The following AKAP13 variants were observed in gnomAD, a reference collection of about 807,000 sequenced individuals.
AKAP13 encodes A-kinase anchor protein 13.
In AKAP13, 80 loss-of-function variants were observed where a neutral mutation model predicts 264.5. That is an observed-to-expected ratio of 0.30 (90% CI 0.25 to 0.36). The LOEUF is 0.36. Among genes scored for constraint, AKAP13 ranks in the 10% least tolerant of loss-of-function variants. The pLI is 1.00. For synonymous variants in AKAP13, 1,380 were observed against 1,250.2 expected (o/e 1.10, Z -2.19); for missense variants, 3,712 against 3,435.2 (o/e 1.08, Z -2.01).
intron 26 of AKAP13, among the ~76,000 whole-genome samples, chr15:85,725,540 C>T (rs1010482536): frequency 1.3e-5 from 2 of 152,148 alleles, no homozygotes; most frequent in Non-Finnish European, 1.5e-5. Context: ...CTGTTTTCTT[C>T]ATAGCTTTGC....
At chr15:85,687,234 CACAACCTCCT>C (rs1345539305) in intron 16 of AKAP13, among the ~76,000 whole-genome samples, 1 of 143,130 alleles carries the variant, frequency 7.0e-6, no homozygotes, top group Non-Finnish European at 1.6e-5. Context: ...CACAACCTCA[CACAACCTCCT>C]GTTATCTGAC....
At chr15:85,698,821 G>C (rs2085726065) in intron 17 of AKAP13, among the ~76,000 whole-genome samples, 1 of 151,530 alleles carries the variant, frequency 6.6e-6, no homozygotes, top group South Asian at 2.1e-4. Flanking sequence ...GTGCACGCCT[G>C]TAATCCCAGC....
At chr15:85,712,333 G>A (rs2086674803) in intron 19 of AKAP13, among the ~76,000 whole-genome samples, 1 of 152,204 alleles carries the variant, frequency 6.6e-6, no homozygotes, top group Non-Finnish European at 1.5e-5. Context: ...ATGACTAGAA[G>A]AGGAGCTTCT....
At chr15:85,517,961 G>A (rs1004590417) in intron 2 of AKAP13, among the ~76,000 whole-genome samples, 2 of 152,214 alleles carry the variant, frequency 1.3e-5, no homozygotes, top group Admixed American at 6.5e-5. Context: ...ATGTAGGTGT[G>A]TACTCTTCCT....
chr15:85,448,868 A>G (rs982661278), intron 1 of AKAP13, among the ~76,000 whole-genome samples: 3 of 146,504 alleles, frequency 2.0e-5, no homozygotes, highest in African/African-American at 5.2e-5. Flanking sequence ...TTTTTTCTGA[A>G]AAGAAAAAAG....
rs1567148652 is a variant in AKAP13 at position 85,600,513 on chromosome 15, A to AGCTGCTGCTAAGTAGAGGC, written c.4161+14691_4161+14709dup. 5.3e-5 allele frequency among the ~76,000 whole-genome samples: 8 copies of AGCTGCTGCTAAGTAGAGGC among 152,332 alleles called. No individual in the cohort carries two copies. In the South Asian group the frequency reaches 1.7e-3, roughly 32 times the overall value. ...ACAATTACTTGGAGGAAATTTCAAC[A>AGCTGCTGCTAAGTAGAGGC]GCTGCTGCTAAGTAGAGGCACTGCT... On this transcript the variant is annotated intron_variant, in intron 8 of 36. Transcript: ENST00000394518.
intron 4 of AKAP13, 182 bp downstream of exon 4, chr15:85,534,062 T>C: frequency 1.6e-6 from 1 of 613,512 alleles, no homozygotes; most frequent in Non-Finnish European, 2.7e-6. Context: ...ATTGAGCTGT[T>C]AAGCATGTTG....
rs1555434064 is a variant in AKAP13, at chr15:85,483,637, A to AACAAAAC, written c.-11-2072_-11-2071insCAAAACA. 3.8e-3 allele frequency among the ~76,000 whole-genome samples: 503 copies of AACAAAAC among 133,012 alleles called. 12 individuals are homozygous for AACAAAAC. Among genetic ancestry groups the AACAAAAC allele is most frequent in the African/African-American group, 0.01 (334 of 32,654 alleles). The allele number at this position is 133,012 out of a possible 152,430, so 87.3% of individuals were successfully genotyped here. On this transcript the variant is annotated intron_variant, in intron 1 of 36. Transcript: ENST00000394518. Reference sequence around the variant, plus strand: ...GACAGAGCGAGACTCCGTCTCAAAAAAAAAAAAAAAAAAACACCAAAAAAT... The same window carrying AACAAAAC: ...GACAGAGCGAGACTCCGTCTCAAAAAACAAAACAAAAAAAAAAAAAACACCAAAAAAT...
At chr15:85,518,337 G>C (rs1239329847) in intron 2 of AKAP13, among the ~76,000 whole-genome samples, 1 of 152,170 alleles carries the variant, frequency 6.6e-6, no homozygotes, top group Non-Finnish European at 1.5e-5. Context: ...AATGCAGTTT[G>C]TTATTTGCTG....
chr15:85,568,856 C>G (rs1374364563), intron 5 of AKAP13, among the ~76,000 whole-genome samples: 1 of 152,116 alleles, frequency 6.6e-6, no homozygotes, highest in Non-Finnish European at 1.5e-5. Flanking sequence ...GTCACTATTG[C>G]TTTGAAACAG....
chr15:85,730,477 C>G (rs766788688), intron 29 of AKAP13, 36 bp from the exon 30 acceptor site: 2 of 1,602,346 alleles, frequency 1.2e-6, no homozygotes, highest in Admixed American at 3.4e-5. Context: ...TTACTAAACA[C>G]CAATCAAATC....
chr15:85,655,417 C>G lies in AKAP13; in HGVS notation c.4375C>G (p.Pro1459Ala), dbSNP rs1392627227. The G allele has an allele frequency of 6.2e-7, 1 of 1,612,232 alleles. No homozygotes were observed. Among genetic ancestry groups the G allele is most frequent in the Non-Finnish European group, 8.5e-7 (1 of 1,178,630 alleles). The change falls in exon 11 of 37, where the codon CCA (proline) becomes GCA (alanine). Residue 1459 changes from proline to alanine, a missense_variant and splice_region_variant. Around this residue, in one of 3 missense-constraint regions of AKAP13, gnomAD observed 2,759 missense variants for 2,411.7 expected, o/e 1.14. Coordinates refer to ENST00000394518, the MANE Select transcript of AKAP13 (RefSeq NM_007200.5). ...CATATGTGCTTTCTCTCCATTACAG[C>G]CAGAGGAAGAGCATTTGGCCTGTGA... is the stretch of plus-strand genomic sequence containing the variant. The part of the protein sequence containing the change: ...DDMDSIIFPK[P>A]EEEHLACDIT...
At chr15:85,441,813 A>C (rs1219154347) in intron 1 of AKAP13, among the ~76,000 whole-genome samples, 1 of 152,096 alleles carries the variant, frequency 6.6e-6, no homozygotes, top group African/African-American at 2.4e-5. Flanking sequence ...ATAGTCTTAC[A>C]TATGCTGTGA....
At chr15:85,555,768 A>G (rs2078121347) in intron 5 of AKAP13, among the ~76,000 whole-genome samples, 1 of 152,218 alleles carries the variant, frequency 6.6e-6, no homozygotes, top group African/African-American at 2.4e-5. Context: ...TGGCAGGTAG[A>G]ATGCTAGAAA....
intron 2 of AKAP13, among the ~76,000 whole-genome samples, chr15:85,514,001 G>A (rs2076527027): frequency 7.3e-6 from 1 of 137,544 alleles, no homozygotes; most frequent in Non-Finnish European, 1.6e-5. Flanking sequence ...GGCAGATTTC[G>A]CTGAATGAAT....
chr15:85,389,519 C>T (rs960808294), intron 1 of AKAP13, among the ~76,000 whole-genome samples: 1 of 152,178 alleles, frequency 6.6e-6, no homozygotes, highest in Non-Finnish European at 1.5e-5. Context: ...AAATCTGGAT[C>T]CAGTTACTCC....
intron 1 of AKAP13, among the ~76,000 whole-genome samples, chr15:85,419,647 G>A (rs981664201): frequency 1.3e-5 from 2 of 152,162 alleles, no homozygotes; most frequent in African/African-American, 2.4e-5. Context: ...GAGAGGGAAT[G>A]TAGAGAGATG....
chr15:85,562,424 G>A (rs189540085), intron 5 of AKAP13, among the ~76,000 whole-genome samples: 1,738 of 151,290 alleles, frequency 0.011, 10 homozygotes, highest in Non-Finnish European at 0.019. Context: ...AATTAGCTGG[G>A]CGTGGTGGCA....
At chr15:85,510,826 A>G (rs1395886542) in intron 2 of AKAP13, among the ~76,000 whole-genome samples, 1 of 152,224 alleles carries the variant, frequency 6.6e-6, no homozygotes, top group Non-Finnish European at 1.5e-5. Flanking sequence ...TGGTTTAGCA[A>G]ATGAGCTTTC....
Sources: gnomAD v4.1 joint callset for allele counts (sites outside exome capture counted in the v4.1 genomes callset) on GRCh38, gnomAD v4.1.1 for gene constraint, gnomAD v4.1.1 regional missense constraint, MANE v1.5 for transcripts, NCBI Gene and HGNC (gene_info 2026-07-23, HGNC 2026-07-21) for gene names.